The following PYROXD1 variants were observed in gnomAD, a reference collection of about 807,000 sequenced individuals.
PYROXD1 encodes the protein pyridine nucleotide-disulphide oxidoreductase domain 1, also known as tRNA ligase complex-associated NAD(P)H dehydrogenase PYROXD1.
In PYROXD1, 42 loss-of-function variants were observed where a neutral mutation model predicts 62.0. The ratio of observed to expected loss-of-function variants is 0.68; its 90% CI spans 0.53 to 0.88. PYROXD1 has a LOEUF of 0.88. Ranked by LOEUF, PYROXD1 falls within the 40% of genes least tolerant of loss-of-function variation. The pLI is 0.00. For synonymous variants in PYROXD1, 170 were observed against 206.4 expected, an observed-to-expected ratio of 0.82 and a Z score of 1.51; for missense variants, 493 against 604.8, an observed-to-expected ratio of 0.82 and a Z score of 1.94.
chr12:21,437,675 T>A lies in PYROXD1; in HGVS notation c.-56T>A. 1 of 1,545,964 alleles carries A rather than the reference T, an allele frequency of 6.5e-7. No homozygotes were observed. The highest frequency in any genetic ancestry group is 8.8e-7 in the Non-Finnish European group (1 of 1,135,450). On this transcript the variant is annotated 5_prime_UTR_variant, in exon 1 of 12. Transcript: ENST00000240651. ...CTCGCGGCTGCTTCCTCTCCTGGAG[T>A]CCAGAGTCCCGTTGCTCCGCCGCGA... is the stretch of plus-strand genomic sequence containing the variant.
chr12:21,441,599 C>T (rs1233565651), intron 2 of PYROXD1, among the ~76,000 whole-genome samples: 2 of 151,968 alleles, frequency 1.3e-5, no homozygotes, highest in Non-Finnish European at 2.9e-5. Flanking sequence ...TTCATTGCAT[C>T]TTTCATCGTC....
At chr12:21,467,683 T>C in intron 11 of PYROXD1, 65 bp downstream of exon 11, 10 of 1,236,482 alleles carry the variant, frequency 8.1e-6, no homozygotes, top group Middle Eastern at 1.9e-4. Context: ...ATAAATCATG[T>C]GATTTTCTTG....
chr12:21,449,450 AC>A (rs1156719883), intron 3 of PYROXD1, 112 bp from the exon 4 acceptor site: 2 of 939,338 alleles, frequency 2.1e-6, no homozygotes, highest in African/African-American at 3.4e-5. Flanking sequence ...CCAAGAGGCA[AC>A]CTTAATATAT....
chr12:21,458,538 G>GT (rs1942640016), intron 7 of PYROXD1, among the ~76,000 whole-genome samples: 1 of 151,968 alleles, frequency 6.6e-6, no homozygotes, highest in Admixed American at 6.6e-5. Context: ...CTTTCCATGT[G>GT]CCTTCCTCAA....
intron 3 of PYROXD1, among the ~76,000 whole-genome samples, chr12:21,447,020 G>T (rs1398406014): frequency 6.6e-6 from 1 of 152,214 alleles, no homozygotes; most frequent in Admixed American, 6.5e-5. Context: ...ATTTGAGTGA[G>T]ATTTCTGCTA....
intron 7 of PYROXD1, among the ~76,000 whole-genome samples, chr12:21,457,417 G>A (rs1225528778): frequency 6.9e-6 from 1 of 145,852 alleles, no homozygotes; most frequent in Non-Finnish European, 1.5e-5. Context: ...AATGAGTGTA[G>A]TATTTTGAAA....
chr12:21,465,009 T>G (rs1426897390), intron 10 of PYROXD1, among the ~76,000 whole-genome samples: 14 of 152,214 alleles, frequency 9.2e-5, no homozygotes, highest in Admixed American at 9.2e-4. Context: ...TCATCATTTT[T>G]TATGGCTGCA....
intron 2 of PYROXD1, among the ~76,000 whole-genome samples, chr12:21,442,942 G>T (rs567357081): frequency 6.8e-4 from 104 of 152,208 alleles, no homozygotes; most frequent in African/African-American, 2.4e-3. Context: ...ATGCTCCACT[G>T]TGTTGCTGCA....
chr12:21,464,769 A>G (rs948832572), intron 10 of PYROXD1, among the ~76,000 whole-genome samples: 43 of 151,796 alleles, frequency 2.8e-4, no homozygotes, highest in African/African-American at 1.0e-3. Flanking sequence ...ATACATGTAC[A>G]CAACGTGCAA....
rs1942510099 is a variant in PYROXD1 at position 21,452,086 on chromosome 12, T to C, written c.420T>C (p.Phe140=). ...GIRDTDSAQE[F]QKQLTKAKRI... Reference sequence around the variant, plus strand: ...TTATTTTCTTTTTAACATAGGAATTTCAGAAACAGCTTACTAAAGCTAAAA... The same window carrying C: ...TTATTTTCTTTTTAACATAGGAATTCCAGAAACAGCTTACTAAAGCTAAAA... The change falls in exon 5 of 12, where the codon TTT becomes TTC. Residue 140 remains phenylalanine, a synonymous_variant. Transcript: ENST00000240651. The C allele has an allele frequency of 6.3e-7, 1 of 1,581,350 alleles. No individual in the cohort carries two copies. The highest frequency in any genetic ancestry group is 8.6e-7 in the Non-Finnish European group (1 of 1,161,556).
chr12:21,464,804 C>T (rs12818516), intron 10 of PYROXD1, among the ~76,000 whole-genome samples: 57,859 of 151,362 alleles, frequency 0.38, 11,281 homozygotes, highest in Middle Eastern at 0.48. Context: ...TATACATGTG[C>T]CATGTTGGTG....
chr12:21,452,854 A>T (rs897869108), intron 5 of PYROXD1, among the ~76,000 whole-genome samples: 2 of 151,756 alleles, frequency 1.3e-5, no homozygotes, highest in African/African-American at 4.8e-5. Flanking sequence ...TTTGAATCAA[A>T]ATAAGGACTC....
chr12:21,450,390 T>C (rs1942472785), intron 4 of PYROXD1, among the ~76,000 whole-genome samples: 2 of 152,168 alleles, frequency 1.3e-5, no homozygotes, highest in South Asian at 4.1e-4. Flanking sequence ...ACTGATCTTA[T>C]TCTCCAGCAA....
At chr12:21,466,848 A>G (rs1942803476) in intron 10 of PYROXD1, among the ~76,000 whole-genome samples, 1 of 152,144 alleles carries the variant, frequency 6.6e-6, no homozygotes. Context: ...TACCTTATTG[A>G]GAGTTTTTAG....
chr12:21,448,365 T>G (rs1483024376), intron 3 of PYROXD1: 1 of 256,990 alleles, frequency 3.9e-6, no homozygotes, highest in Non-Finnish European at 7.4e-6. Context: ...TATGTTTTAC[T>G]TTCACGTCTC....
At chr12:21,451,823 G>C (rs545866193) in intron 4 of PYROXD1, among the ~76,000 whole-genome samples, 34 of 152,230 alleles carry the variant, frequency 2.2e-4, no homozygotes, top group Middle Eastern at 3.4e-3. Context: ...CTGAAGTACT[G>C]TAAATGTAAT....
At chr12:21,454,804 C>T (rs1942565747) in intron 5 of PYROXD1, 1 of 163,204 alleles carries the variant, frequency 6.1e-6, no homozygotes, top group African/African-American at 2.4e-5. Context: ...ACTGCTTACC[C>T]CTGGGGGCCA....
At position 21,470,166 on chromosome 12, in the gene PYROXD1, T is replaced by A. The variant is rs371190834; in HGVS notation, c.*1412T>A. On this transcript the variant is annotated 3_prime_UTR_variant, in exon 12 of 12. Transcript: ENST00000240651. ...TGGCATATACATGCATAAACCATCT[T>A]TAATTAGAAAATTTAGTAACATTCA... The A allele has an allele frequency of 6.2e-7, 1 of 1,608,632 alleles. No homozygotes were observed. The highest frequency in any genetic ancestry group is 8.5e-7 in the Non-Finnish European group (1 of 1,177,386).
rs1942613905 is a variant in PYROXD1, at chr12:21,457,203, T to C, written c.750+1108T>C. The C allele has an allele frequency of 4.7e-5, 10 of 213,048 alleles. No homozygotes were observed. The South Asian group carries it at 6.1e-4, about 13-fold the overall frequency. 13.2% of individuals were successfully genotyped at this position (213,048 alleles called of 1,614,324 possible). A position where few individuals can be genotyped will look rare whatever the true frequency, so the allele number is the denominator to read the frequency against. The stretch of plus-strand genomic sequence containing the variant: ...TGAATTCTTTCCAGAAGGTTTTCAA[T>C]GTACTTTTCCCAGATCCATCAGATG... On this transcript the variant is annotated intron_variant, in intron 7 of 11. Coordinates refer to ENST00000240651, the MANE Select transcript of PYROXD1 (RefSeq NM_024854.5).
Sources: allele counts gnomAD v4.1 joint callset (sites outside exome capture counted in the v4.1 genomes callset), GRCh38; gene constraint gnomAD v4.1.1; transcripts MANE v1.5; gene names NCBI Gene and HGNC (gene_info 2026-07-23, HGNC 2026-07-21).